CA10: variants seen among roughly 807,000 people sequenced by gnomAD.
CA10 encodes the protein carbonic anhydrase-related protein 10.
Under a neutral mutation model 44.2 loss-of-function variants are expected in CA10, and 14 were observed. That is an observed-to-expected ratio of 0.32 (90% CI 0.21 to 0.50). CA10 has a LOEUF of 0.50. Ranked by LOEUF, CA10 falls within the 20% of genes least tolerant of loss-of-function variation. CA10 has a pLI of 0.99. For synonymous variants in CA10, 159 were observed against 141.6 expected (o/e 1.12, Z -0.87); for missense variants, 350 against 409.7 (o/e 0.85, Z 1.26).
chr17:51,868,011 G>T (rs1979627745), intron 3 of CA10, among the ~76,000 whole-genome samples: 1 of 150,940 alleles, frequency 6.6e-6, no homozygotes, highest in African/African-American at 2.4e-5. Context: ...ATAAGCCTAG[G>T]TTTTCTTTAA....
chr17:51,869,840 C>CTG lies in CA10; in HGVS notation c.279+61148_279+61149dup, dbSNP rs529805807. On this transcript the variant is annotated intron_variant, in intron 3 of 8. Coordinates refer to ENST00000451037, the MANE Select transcript of CA10 (RefSeq NM_020178.5). ...GTCTGAATGTCAATTTTTAGGAAGA[C>CTG]TGTCCTCAACTACCCAAAGTGGTGT... 4.3e-3 allele frequency among the ~76,000 whole-genome samples: 654 copies of CTG among 152,326 alleles called. 4 individuals are homozygous for CTG. Among genetic ancestry groups the CTG allele is most frequent in the African/African-American group, 0.014 (598 of 41,574 alleles).
chr17:51,673,106 T>C (rs1359979859), intron 4 of CA10, among the ~76,000 whole-genome samples: 1 of 152,220 alleles, frequency 6.6e-6, no homozygotes, highest in Admixed American at 6.5e-5. Context: ...GAAAGGGCCA[T>C]TCTTTGCTTT....
At chr17:51,638,106 C>T (rs913695859) in intron 6 of CA10, among the ~76,000 whole-genome samples, 4 of 152,238 alleles carry the variant, frequency 2.6e-5, no homozygotes, top group Non-Finnish European at 5.9e-5. Flanking sequence ...GTTCAGCCTT[C>T]TCCAATAAGA....
intron 3 of CA10, among the ~76,000 whole-genome samples, chr17:51,863,322 A>G (rs1979398956): frequency 6.6e-6 from 1 of 152,152 alleles, no homozygotes; most frequent in South Asian, 2.1e-4. Context: ...GCTAATTAGT[A>G]GTTATGCTTA....
intron 2 of CA10, among the ~76,000 whole-genome samples, chr17:52,058,555 A>G (rs1464772879): frequency 6.6e-6 from 1 of 152,164 alleles, no homozygotes; most frequent in African/African-American, 2.4e-5. Context: ...TGGTAATAAT[A>G]GGGACTCTCA....
intron 3 of CA10, among the ~76,000 whole-genome samples, chr17:51,926,368 T>TA (rs1159901548): frequency 6.6e-6 from 1 of 152,200 alleles, no homozygotes; most frequent in Non-Finnish European, 1.5e-5. Context: ...CAAAAAGTTT[T>TA]AAAAATAATT....
intron 3 of CA10, among the ~76,000 whole-genome samples, chr17:51,889,988 G>A (rs150105320): frequency 1.4e-4 from 22 of 152,264 alleles, no homozygotes; most frequent in South Asian, 8.3e-4. Flanking sequence ...GGTTGGCACC[G>A]ATGAACCCTT....
intron 3 of CA10, among the ~76,000 whole-genome samples, chr17:51,763,575 C>T (rs541793326): frequency 7.9e-5 from 12 of 152,122 alleles, no homozygotes; most frequent in Non-Finnish European, 1.5e-4. Flanking sequence ...ACACCCTTTC[C>T]GTCCCACATT....
At chr17:51,823,722 G>T (rs1292062606) in intron 3 of CA10, among the ~76,000 whole-genome samples, 1 of 152,186 alleles carries the variant, frequency 6.6e-6, no homozygotes, top group African/African-American at 2.4e-5. Flanking sequence ...TGTTAGAACT[G>T]CCCAGAGTTC....
chr17:51,943,377 A>G (rs1983156997), intron 2 of CA10, among the ~76,000 whole-genome samples: 1 of 152,210 alleles, frequency 6.6e-6, no homozygotes, highest in Non-Finnish European at 1.5e-5. Context: ...CACAAGACCT[A>G]ATTACAGGGC....
At chr17:51,887,739 C>A (rs1980672623) in intron 3 of CA10, among the ~76,000 whole-genome samples, 1 of 151,798 alleles carries the variant, frequency 6.6e-6, no homozygotes, top group African/African-American at 2.4e-5. Flanking sequence ...AGCTTGTAAT[C>A]CCAGCACTTT....
At chr17:51,647,211 C>T (rs990260389) in intron 6 of CA10, among the ~76,000 whole-genome samples, 4 of 152,196 alleles carry the variant, frequency 2.6e-5, no homozygotes, top group Admixed American at 6.5e-5. Flanking sequence ...GCCACTCCCT[C>T]TGCCCCGTCA....
At chr17:51,787,813 C>T (rs931169935) in intron 3 of CA10, among the ~76,000 whole-genome samples, 9 of 152,124 alleles carry the variant, frequency 5.9e-5, no homozygotes, top group Non-Finnish European at 1.0e-4. Context: ...TCAGTTTTAA[C>T]GTCTCCTTTT....
chr17:51,769,454 G>A (rs1268330471), intron 3 of CA10, among the ~76,000 whole-genome samples: 1 of 152,184 alleles, frequency 6.6e-6, no homozygotes, highest in Non-Finnish European at 1.5e-5. Flanking sequence ...AATATGTAGA[G>A]GAAGTTAATG....
At chr17:51,742,209 G>A (rs923476679) in intron 4 of CA10, among the ~76,000 whole-genome samples, 2 of 152,198 alleles carry the variant, frequency 1.3e-5, no homozygotes, top group Non-Finnish European at 2.9e-5. Flanking sequence ...GGCATTCAGA[G>A]TAGAGGGAGC....
intron 4 of CA10, among the ~76,000 whole-genome samples, chr17:51,721,889 G>A (rs989738112): frequency 3.3e-5 from 5 of 152,068 alleles, no homozygotes; most frequent in African/African-American, 4.8e-5. Flanking sequence ...CGCTGCTCCT[G>A]AGTTGTATCC....
chr17:51,850,104 T>C (rs1480494064), intron 3 of CA10, among the ~76,000 whole-genome samples: 1 of 152,122 alleles, frequency 6.6e-6, no homozygotes, highest in African/African-American at 2.4e-5. Context: ...AGTTAAACCA[T>C]AAAATGTCAC....
chr17:51,740,518 C>T (rs2143586235), intron 4 of CA10, among the ~76,000 whole-genome samples: 1 of 152,272 alleles, frequency 6.6e-6, no homozygotes, highest in Admixed American at 6.5e-5. Context: ...AAGGTGGTAA[C>T]ATTGAGAGCA....
rs1227037369 is a variant in CA10, at chr17:51,633,551, T to C, written c.889A>G (p.Ile297Val). 1.2e-6 allele frequency: 2 copies of C among 1,614,092 alleles called. No homozygotes were observed. Among genetic ancestry groups the C allele is most frequent in the South Asian group, 2.2e-5 (2 of 91,068 alleles). The change falls in exon 8 of 9, where the codon ATC (isoleucine) becomes GTC (valine). Residue 297 changes from isoleucine (I) to valine (V), a missense_variant. By Grantham distance (29) the Ile-to-Val change is conservative. Coordinates refer to ENST00000451037, the MANE Select transcript of CA10 (RefSeq NM_020178.5). ...RPVQPLNNRC[I>V]RTNINFSLQG... ...AAACTGAAGTTGATATTGGTGCGGATGCAGCGGTTGTTGAGTGGCTGGACA... is the reference window on the plus strand; with the variant it reads ...AAACTGAAGTTGATATTGGTGCGGACGCAGCGGTTGTTGAGTGGCTGGACA...
Sources: gnomAD v4.1 joint callset for allele counts (sites outside exome capture counted in the v4.1 genomes callset) on GRCh38, gnomAD v4.1.1 for gene constraint, MANE v1.5 for transcripts, NCBI Gene and HGNC (gene_info 2026-07-23, HGNC 2026-07-21) for gene names.